Variants in KIRREL3 observed in about 807,000 individuals in gnomAD.
KIRREL3 encodes kirre like nephrin family adhesion molecule 3, also known as kin of IRRE-like protein 3.
KIRREL3 carries 36 observed loss-of-function variants against 89.7 expected under a neutral mutation model. The observed-to-expected ratio is 0.40, with a 90% CI of 0.31 to 0.53. The LOEUF is 0.53. Among genes scored for constraint, KIRREL3 ranks in the 20% least tolerant of loss-of-function variants. The probability of loss-of-function intolerance (pLI) is 0.49; values close to 1 mark genes in which losing one functional copy is unlikely to be tolerated. For synonymous variants in KIRREL3, 445 were observed against 441.4 expected, an observed-to-expected ratio of 1.01 and a Z score of -0.10; for missense variants, 864 against 1,056.6, an observed-to-expected ratio of 0.82 and a Z score of 2.53.
chr11:126,542,754 G>T (rs1938469197), intron 2 of KIRREL3, among the ~76,000 whole-genome samples: 1 of 152,194 alleles, frequency 6.6e-6, no homozygotes, highest in African/African-American at 2.4e-5. Flanking sequence ...AAAATAAGAA[G>T]CTGTGAAATG....
intron 1 of KIRREL3, among the ~76,000 whole-genome samples, chr11:126,572,111 C>T (rs141020048): frequency 1.4e-3 from 214 of 152,320 alleles, no homozygotes; most frequent in African/African-American, 4.7e-3. Context: ...TTCAGTCCAT[C>T]ATGGCTGGGA....
rs1458145438 is a variant in KIRREL3, at chr11:126,463,888, T to C, written c.592-581A>G. On this transcript the variant is annotated intron_variant, in intron 5 of 16. Transcript: ENST00000525144. This position sits in a 1 kb window ranked among gnomAD's most constrained non-coding sequence, Gnocchi z 5.9. Reference sequence around the variant, plus strand: ...AAAGCGTTTCACTCCCTGATCTCATTAGAGTCTCAATCAAACCATAGGTGG... The same window carrying C: ...AAAGCGTTTCACTCCCTGATCTCATCAGAGTCTCAATCAAACCATAGGTGG... Among the ~76,000 whole-genome samples the C allele has an allele frequency of 2.0e-5, 3 of 152,172 alleles. No homozygotes were observed. Among genetic ancestry groups the C allele is most frequent in the African/African-American group, 7.2e-5 (3 of 41,436 alleles).
intron 1 of KIRREL3, among the ~76,000 whole-genome samples, chr11:126,819,678 A>G (rs1163799978): frequency 6.6e-6 from 1 of 152,248 alleles, no homozygotes; most frequent in African/African-American, 2.4e-5. Flanking sequence ...CACATCGGTG[A>G]GCAGAGGCCA....
intron 1 of KIRREL3, among the ~76,000 whole-genome samples, chr11:126,661,467 G>A (rs1945398849): frequency 6.6e-6 from 1 of 152,186 alleles, no homozygotes; most frequent in Non-Finnish European, 1.5e-5. Context: ...TACTCAAGAA[G>A]GTCAGAAAGC....
At position 126,498,735 on chromosome 11, in the gene KIRREL3, C is replaced by T. The variant is rs1245267955; in HGVS notation, c.433+22580G>A. On this transcript the variant is annotated intron_variant, in intron 4 of 16. Coordinates refer to ENST00000525144, the MANE Select transcript of KIRREL3 (RefSeq NM_032531.4). This position sits in a 1 kb window ranked among gnomAD's most constrained non-coding sequence, Gnocchi z 4.3. ...GCTGGCCTGGCGTCCCAGTATCCTG[C>T]TTCCTGGGAGGAGCACCTTCCCTTC... 1.3e-5 allele frequency among the ~76,000 whole-genome samples: 2 copies of T among 152,204 alleles called. No individual in the cohort carries two copies. Among genetic ancestry groups the T allele is most frequent in the East Asian group, 3.9e-4 (2 of 5,180 alleles).
chr11:126,509,902 A>T (rs758902938), intron 4 of KIRREL3, among the ~76,000 whole-genome samples: 38 of 142,980 alleles, frequency 2.7e-4, no homozygotes, highest in Non-Finnish European at 7.5e-5. Flanking sequence ...CAGGAGAATC[A>T]CTTGAACCTG....
In KIRREL3 at chr11:126,682,627, C is replaced by T. The variant is rs1237521190; in HGVS notation, c.56-119715G>A. Among the ~76,000 whole-genome samples the T allele has an allele frequency of 6.6e-6, 1 of 152,044 alleles. No individual in the cohort carries two copies. The highest frequency in any genetic ancestry group is 1.9e-4 in the East Asian group (1 of 5,180). On this transcript the variant is annotated intron_variant, in intron 1 of 16. Transcript: ENST00000525144. This position sits in a 1 kb window ranked among gnomAD's most constrained non-coding sequence, Gnocchi z 4.8. ...CATGGACCTGGGTAGGGGGTGGTTTCTGGATGAAACTGTTCCATCATAGAT... is the reference window on the plus strand; with the variant it reads ...CATGGACCTGGGTAGGGGGTGGTTTTTGGATGAAACTGTTCCATCATAGAT...
intron 1 of KIRREL3, among the ~76,000 whole-genome samples, chr11:126,850,896 C>T (rs1194964593): frequency 3.3e-5 from 5 of 152,166 alleles, no homozygotes; most frequent in Non-Finnish European, 1.5e-5. Context: ...AAGCAGCAAT[C>T]AGAACAAAAG....
At chr11:126,679,646 G>A (rs1486001394) in intron 1 of KIRREL3, among the ~76,000 whole-genome samples, 1 of 152,188 alleles carries the variant, frequency 6.6e-6, no homozygotes, top group Non-Finnish European at 1.5e-5. Flanking sequence ...CTCTGGGAAT[G>A]AGTGTTACTT....
rs1413464320 is a variant in KIRREL3, at chr11:126,995,185, C to T, written c.55+5270G>A. On this transcript the variant is annotated intron_variant, in intron 1 of 16. Transcript: ENST00000525144. The surrounding 1 kb of genome is among the most constrained non-coding windows in gnomAD (Gnocchi z 6.5). Reference sequence around the variant, plus strand: ...GAAATCCAAGGGAACTGTTAGCCCCCCAGAGCAGCTGCTCCCACCGACCCT... The same window carrying T: ...GAAATCCAAGGGAACTGTTAGCCCCTCAGAGCAGCTGCTCCCACCGACCCT... 1 of 455,980 alleles carries T rather than the reference C, an allele frequency of 2.2e-6. No individual in the cohort carries two copies. 28.2% of individuals were successfully genotyped at this position (455,980 alleles called of 1,614,324 possible).
rs1056194831 is a variant in KIRREL3, at chr11:126,940,747, A to G, written c.55+59708T>C. On this transcript the variant is annotated intron_variant, in intron 1 of 16. Coordinates refer to ENST00000525144, the MANE Select transcript of KIRREL3 (RefSeq NM_032531.4). This position sits in a 1 kb window ranked among gnomAD's most constrained non-coding sequence, Gnocchi z 4.6. ...TGAGGAATGACCTCAGAATTCTTCT[A>G]CTTAGCCTTGTCCCTACCTCTTTAC... 1 of 152,198 alleles carries G rather than the reference A, an allele frequency of 6.6e-6. No individual in the cohort carries two copies. The highest frequency in any genetic ancestry group is 6.5e-5 in the Admixed American group (1 of 15,278). 9.4% of individuals were successfully genotyped at this position (152,198 alleles called of 1,614,324 possible). A position where few individuals can be genotyped will look rare whatever the true frequency, so the allele number is the denominator to read the frequency against.
In KIRREL3 at chr11:126,685,109, C is replaced by T. The variant is rs1946618813; in HGVS notation, c.56-122197G>A. Among the ~76,000 whole-genome samples, 1 of 152,200 alleles carries T rather than the reference C, an allele frequency of 6.6e-6. No homozygotes were observed. Among genetic ancestry groups the T allele is most frequent in the Non-Finnish European group, 1.5e-5 (1 of 68,040 alleles). On this transcript the variant is annotated intron_variant, in intron 1 of 16. Coordinates refer to ENST00000525144, the MANE Select transcript of KIRREL3 (RefSeq NM_032531.4). This position sits in a 1 kb window ranked among gnomAD's most constrained non-coding sequence, Gnocchi z 5.5. ...CAAAGATGAAGGACATAGTCAATCT[C>T]TTCAAGGAGGTCATGGCCAAGTGTG...
chr11:126,805,017 T>C lies in KIRREL3; in HGVS notation c.55+195438A>G, dbSNP rs1305290545. Among the ~76,000 whole-genome samples the C allele has an allele frequency of 6.6e-6, 1 of 152,178 alleles. No homozygotes were observed. The highest frequency in any genetic ancestry group is 6.5e-5 in the Admixed American group (1 of 15,276). On this transcript the variant is annotated intron_variant, in intron 1 of 16. Transcript: ENST00000525144. This position sits in a 1 kb window ranked among gnomAD's most constrained non-coding sequence, Gnocchi z 4.3. Reference sequence around the variant, plus strand: ...ATGAGGAGATTAAGATTCAGAAAAGTTGGCTTATCATTTAAGGAGCACAGT... The same window carrying C: ...ATGAGGAGATTAAGATTCAGAAAAGCTGGCTTATCATTTAAGGAGCACAGT...
rs1025930623 is a variant in KIRREL3, at chr11:126,689,616, T to C, written c.56-126704A>G. Among the ~76,000 whole-genome samples, 1 of 152,198 alleles carries C rather than the reference T, an allele frequency of 6.6e-6. No homozygotes were observed. The highest frequency in any genetic ancestry group is 2.4e-5 in the African/African-American group (1 of 41,456). ...ATTCTATCCAAACCCAGCCAGGAGATGGGAAGAGACATCTTGTTAGCCAGT... is the reference window on the plus strand; with the variant it reads ...ATTCTATCCAAACCCAGCCAGGAGACGGGAAGAGACATCTTGTTAGCCAGT... On this transcript the variant is annotated intron_variant, in intron 1 of 16. Transcript: ENST00000525144. This position sits in a 1 kb window ranked among gnomAD's most constrained non-coding sequence, Gnocchi z 5.2.
chr11:126,972,208 T>C (rs117642317), intron 1 of KIRREL3, among the ~76,000 whole-genome samples: 5,445 of 63,376 alleles, frequency 0.086, 141 homozygotes, highest in Non-Finnish European at 0.15. Flanking sequence ...GAGAGAGGAC[T>C]GTGCATACAC....
rs1958520146 is a variant in KIRREL3 at position 126,519,470 on chromosome 11, T to A, written c.433+1845A>T. Among the ~76,000 whole-genome samples, 2 of 152,240 alleles carry A rather than the reference T, an allele frequency of 1.3e-5. No individual in the cohort carries two copies. The highest frequency in any genetic ancestry group is 4.1e-4 in the South Asian group (2 of 4,830). ...ATCTGGACTTTTAATACGTTGGACT[T>A]TTTTACGTAACGTAGAGTTGAGAGG... is the stretch of plus-strand genomic sequence containing the variant. On this transcript the variant is annotated intron_variant, in intron 4 of 16. Transcript: ENST00000525144. This position sits in a 1 kb window ranked among gnomAD's most constrained non-coding sequence, Gnocchi z 4.3.
intron 1 of KIRREL3, among the ~76,000 whole-genome samples, chr11:126,775,853 T>G (rs1377868952): frequency 6.6e-6 from 1 of 152,210 alleles, no homozygotes. Flanking sequence ...AAGCATGGGC[T>G]CTTCCACACA....
Position 126,954,019 on chromosome 11 carries a change from T to C in KIRREL3, c.55+46436A>G, listed in dbSNP as rs980644226. On this transcript the variant is annotated intron_variant, in intron 1 of 16. Transcript: ENST00000525144. The surrounding 1 kb of genome is among the most constrained non-coding windows in gnomAD (Gnocchi z 4.1). Reference sequence around the variant, plus strand: ...TCAGAGGTGTGAGCCTGTGTGTGTGTGCACAGGGGTGTGTGTGCACATGCG... The same window carrying C: ...TCAGAGGTGTGAGCCTGTGTGTGTGCGCACAGGGGTGTGTGTGCACATGCG... Among the ~76,000 whole-genome samples, 3 of 152,142 alleles carry C rather than the reference T, an allele frequency of 2.0e-5. No individual in the cohort carries two copies. The highest frequency in any genetic ancestry group is 4.4e-5 in the Non-Finnish European group (3 of 68,030).
intron 1 of KIRREL3, among the ~76,000 whole-genome samples, chr11:126,770,465 G>C (rs889002622): frequency 1.6e-4 from 24 of 152,276 alleles, no homozygotes; most frequent in African/African-American, 5.8e-4. Flanking sequence ...TTTGCACCAG[G>C]GGATTCTGAA....
Sources: allele counts gnomAD v4.1 joint callset (sites outside exome capture counted in the v4.1 genomes callset), GRCh38; gene constraint gnomAD v4.1.1; non-coding constraint Gnocchi (gnomAD v3.1); transcripts MANE v1.5; gene names NCBI Gene and HGNC (gene_info 2026-07-23, HGNC 2026-07-21).